Variants in SOX5 observed in about 807,000 individuals in gnomAD.
SOX5 encodes the protein SRY-box transcription factor 5.
In SOX5, 9 loss-of-function variants were observed where a neutral mutation model predicts 92.0. That is an observed-to-expected ratio of 0.10 (90% CI 0.06 to 0.17). The LOEUF (loss-of-function observed/expected upper bound fraction) is 0.17, where lower values mean the gene tolerates loss of function less well. Among genes scored for constraint, SOX5 ranks in the 10% least tolerant of loss-of-function variants. SOX5 has a pLI of 1.00. For synonymous variants in SOX5, 344 were observed against 336.3 expected (o/e 1.02, Z -0.25); for missense variants, 642 against 944.5 (o/e 0.68, Z 4.20).
At chr12:23,650,346 A>T (rs60427881) in intron 7 of SOX5, among the ~76,000 whole-genome samples, 4,207 of 152,194 alleles carry the variant, frequency 0.028, 187 homozygotes, top group African/African-American at 0.096. Flanking sequence ...CTTCCCATGT[A>T]TTATAAATGT....
At chr12:23,879,030 T>C (rs2096958930) in intron 2 of SOX5, among the ~76,000 whole-genome samples, 1 of 152,152 alleles carries the variant, frequency 6.6e-6, no homozygotes, top group South Asian at 2.1e-4. Context: ...TATAAAACTG[T>C]GTCTGTCCTT....
At chr12:24,186,061 A>G (rs1428682765) in intron 4 of SOX5, among the ~76,000 whole-genome samples, 1 of 152,166 alleles carries the variant, frequency 6.6e-6, no homozygotes, top group Non-Finnish European at 1.5e-5. Flanking sequence ...AGCAATTAAT[A>G]TGACTGGGAG....
At chr12:23,883,769 TGTGGTGGTGTTA>T (rs2097027669) in intron 2 of SOX5, among the ~76,000 whole-genome samples, 1 of 152,130 alleles carries the variant, frequency 6.6e-6, no homozygotes, top group Non-Finnish European at 1.5e-5. Context: ...TAGATATTGG[TGTGGTGGTGTTA>T]GTGGAGGTGG....
chr12:24,283,519 C>G (rs907148254), intron 2 of SOX5, among the ~76,000 whole-genome samples: 1 of 152,212 alleles, frequency 6.6e-6, no homozygotes, highest in Admixed American at 6.5e-5. Flanking sequence ...ACAACCATAC[C>G]TGGTAGTCCT....
chr12:24,351,954 C>A (rs528065540), intron 2 of SOX5, among the ~76,000 whole-genome samples: 128 of 152,336 alleles, frequency 8.4e-4, no homozygotes, highest in African/African-American at 3.1e-3. Context: ...AATTACAGCT[C>A]TTTCAACTTT....
chr12:24,210,178 T>C (rs1479708490), intron 4 of SOX5, among the ~76,000 whole-genome samples: 1 of 152,206 alleles, frequency 6.6e-6, no homozygotes, highest in Non-Finnish European at 1.5e-5. Context: ...GTATTATAAA[T>C]GGTTACTTCT....
rs1407565119 is a variant in SOX5 at position 24,068,736 on chromosome 12, A to G, written c.-2+144607T>C. ...TATATATATATATATATATATATAT[A>G]TATATATATATACACACACACACAT... is the stretch of plus-strand genomic sequence containing the variant. On this transcript the variant is annotated intron_variant, in intron 4 of 4. Transcript: ENST00000446891. Among the ~76,000 whole-genome samples, 46 of 92,838 alleles carry G rather than the reference A, an allele frequency of 5.0e-4. 1 individual carries two copies. The highest frequency in any genetic ancestry group is 2.2e-3 in the South Asian group (7 of 3,188). The allele number at this position is 92,838 out of a possible 152,430, so 60.9% of individuals were successfully genotyped here. A position where few individuals can be genotyped will look rare whatever the true frequency, so the allele number is the denominator to read the frequency against.
At chr12:24,441,767 C>CT (rs1940641246) in intron 1 of SOX5, among the ~76,000 whole-genome samples, 1 of 152,076 alleles carries the variant, frequency 6.6e-6, no homozygotes. Context: ...GCATTGTTAA[C>CT]TTTTTTTAGG....
At chr12:24,307,088 A>G (rs1366492379) in intron 2 of SOX5, among the ~76,000 whole-genome samples, 1 of 152,138 alleles carries the variant, frequency 6.6e-6, no homozygotes, top group Non-Finnish European at 1.5e-5. Context: ...CCAAAAAAAA[A>G]TTAGCTAGGC....
intron 1 of SOX5, among the ~76,000 whole-genome samples, chr12:23,932,643 C>T (rs1941699262): frequency 6.6e-6 from 1 of 151,442 alleles, no homozygotes. Context: ...GTTATTATTT[C>T]AACTTTTCAG....
chr12:23,743,264 T>A (rs1194359105), intron 4 of SOX5, among the ~76,000 whole-genome samples: 2 of 152,138 alleles, frequency 1.3e-5, no homozygotes, highest in Non-Finnish European at 2.9e-5. Context: ...TACATATTAA[T>A]AGTAGCTATT....
chr12:24,193,940 T>C (rs1189354649), intron 4 of SOX5, among the ~76,000 whole-genome samples: 1 of 152,186 alleles, frequency 6.6e-6, no homozygotes, highest in Non-Finnish European at 1.5e-5. Flanking sequence ...CTGTCCTTGA[T>C]TGAAAAAAAA....
chr12:23,553,864 T>G (rs1474878383), intron 11 of SOX5, among the ~76,000 whole-genome samples: 2 of 152,142 alleles, frequency 1.3e-5, no homozygotes, highest in African/African-American at 4.8e-5. Context: ...TAGGATTACT[T>G]TCTTCAAATT....
chr12:24,008,697 G>A (rs1330643243), intron 4 of SOX5, among the ~76,000 whole-genome samples: 2 of 152,064 alleles, frequency 1.3e-5, no homozygotes, highest in African/African-American at 4.8e-5. Context: ...ATAACTTGCA[G>A]GTAAATTCCT....
intron 2 of SOX5, among the ~76,000 whole-genome samples, chr12:23,866,896 T>C (rs2096820927): frequency 6.6e-6 from 1 of 152,184 alleles, no homozygotes; most frequent in South Asian, 2.1e-4. Flanking sequence ...TTTCTTCAGC[T>C]TCCACCTAGC....
intron 2 of SOX5, among the ~76,000 whole-genome samples, chr12:23,850,439 T>A (rs201813990): frequency 0.24 from 20,338 of 84,978 alleles, 2,130 homozygotes; most frequent in African/African-American, 0.42. Context: ...AAAAAAAAAA[T>A]AAATAAATAA....
chr12:24,077,948 A>AATGTAATAATGTAAATAATGTAAAT (rs1942857575), intron 4 of SOX5, among the ~76,000 whole-genome samples: 1 of 151,462 alleles, frequency 6.6e-6, no homozygotes, highest in Non-Finnish European at 1.5e-5. Context: ...ATATTTAAAT[A>AATGTAATAATGTAAATAATGTAAAT]ATGTAAAAAA....
chr12:24,292,679 T>G (rs897149067), intron 2 of SOX5, among the ~76,000 whole-genome samples: 11 of 152,228 alleles, frequency 7.2e-5, no homozygotes, highest in African/African-American at 2.7e-4. Flanking sequence ...TTTGTTCTTC[T>G]TAGTTAAGAA....
chr12:24,273,511 T>C (rs1944035653), intron 3 of SOX5, among the ~76,000 whole-genome samples: 1 of 152,214 alleles, frequency 6.6e-6, no homozygotes, highest in Non-Finnish European at 1.5e-5. Flanking sequence ...CTGTTTGATA[T>C]CTGCACATCT....
Sources: gnomAD v4.1 joint callset for allele counts (sites outside exome capture counted in the v4.1 genomes callset) on GRCh38, gnomAD v4.1.1 for gene constraint, MANE v1.5 for transcripts, NCBI Gene and HGNC (gene_info 2026-07-23, HGNC 2026-07-21) for gene names.